Variants in ZNF605 observed in about 807,000 individuals in gnomAD.
The protein encoded by ZNF605 is zinc finger protein 605.
A neutral mutation model predicts 7.9 loss-of-function variants in ZNF605; 9 were observed. The ratio of observed to expected loss-of-function variants is 1.14; its 90% CI spans 0.68 to 1.98. The LOEUF (loss-of-function observed/expected upper bound fraction) is 1.98, where lower values mean the gene tolerates loss of function less well. Among genes scored for constraint, ZNF605 ranks in the 30% most tolerant of loss-of-function variants. ZNF605 has a pLI of 0.00. For missense variants in ZNF605, 673 were observed against 762.4 expected (o/e 0.88, Z 1.38); for synonymous variants, 255 against 260.1 (o/e 0.98, Z 0.19).
At position 132,918,605 on chromosome 12, in the gene ZNF605, TCTCA is replaced by T. The variant is rs779426247; in HGVS notation, c.*6764_*6767del. 3 of 152,222 alleles carry T rather than the reference TCTCA, an allele frequency of 2.0e-5. No homozygotes were observed. Among genetic ancestry groups the T allele is most frequent in the Admixed American group, 6.5e-5 (1 of 15,274 alleles). The allele number at this position is 152,222 out of a possible 1,614,324, so 9.4% of individuals were successfully genotyped here. A position where few individuals can be genotyped will look rare whatever the true frequency, so the allele number is the denominator to read the frequency against. On this transcript the variant is annotated 3_prime_UTR_variant, in exon 5 of 5. Coordinates refer to ENST00000360187, the MANE Select transcript of ZNF605 (RefSeq NM_183238.4). Reference sequence around the variant, plus strand: ...TGTTTTCTCTTTTTTTGAGACGGAGTCTCACTCTGTTGCTCAGGCTGGAGTGCAG... The same window carrying T: ...TGTTTTCTCTTTTTTTGAGACGGAGTCTCTGTTGCTCAGGCTGGAGTGCAG...
chr12:132,926,874 T>C lies in ZNF605; in HGVS notation c.425A>G (p.Tyr142Cys). The C allele has an allele frequency of 6.2e-7, 1 of 1,614,216 alleles. No homozygotes were observed. Among genetic ancestry groups the C allele is most frequent in the Non-Finnish European group, 8.5e-7 (1 of 1,180,042 alleles). The part of the protein sequence containing the change: ...KPGRTHGGIK[Y>C]CDCSTCRKSS... ...TTTTCTACATGTACTGCAATCACAG[T>C]ATTTTATCCCACCATGGGTTCTGCC... Residue 142 changes from tyrosine (Y) to cysteine (C), a missense_variant, in exon 5 of 5, where the codon TAC (tyrosine) becomes TGC (cysteine). Transcript: ENST00000360187.
At chr12:132,950,615 C>T (rs1278642485) in intron 1 of ZNF605, among the ~76,000 whole-genome samples, 3 of 148,256 alleles carry the variant, frequency 2.0e-5, no homozygotes, top group African/African-American at 7.3e-5. Flanking sequence ...CACACAAAGA[C>T]AGGCATACAC....
chr12:132,955,372 C>T (rs1593610314), intron 1 of ZNF605, among the ~76,000 whole-genome samples: 1 of 152,128 alleles, frequency 6.6e-6, no homozygotes, highest in East Asian at 1.9e-4. Context: ...TGGGCCAAAG[C>T]TCAAGAAAAT....
intron 1 of ZNF605, among the ~76,000 whole-genome samples, chr12:132,951,574 TAC>T (rs1491188954): frequency 2.7e-5 from 4 of 147,690 alleles, no homozygotes; most frequent in African/African-American, 5.1e-5. Flanking sequence ...ACGTATACCA[TAC>T]ACACAGACAT....
intron 1 of ZNF605, among the ~76,000 whole-genome samples, chr12:132,952,620 C>T (rs1465780697): frequency 6.6e-6 from 1 of 151,672 alleles, no homozygotes; most frequent in Non-Finnish European, 1.5e-5. Flanking sequence ...CTCCAGGCAC[C>T]TCAGATGCAA....
chr12:132,951,257 G>A lies in ZNF605; in HGVS notation c.-285-2987C>T, dbSNP rs765196151. Reference sequence around the variant, plus strand: ...TACACTCAGACACGTACATACAGACGCACATGTACATCACACACAGATACA... The same window carrying A: ...TACACTCAGACACGTACATACAGACACACATGTACATCACACACAGATACA... On this transcript the variant is annotated intron_variant, in intron 1 of 4. Coordinates refer to ENST00000360187, the MANE Select transcript of ZNF605 (RefSeq NM_183238.4). Among the ~76,000 whole-genome samples, 95 of 147,542 alleles carry A rather than the reference G, an allele frequency of 6.4e-4. 1 individual carries two copies. The highest frequency in any genetic ancestry group is 1.2e-3 in the Non-Finnish European group (80 of 67,022).
chr12:132,940,696 CTGGCAGGTAAAACAAGGTTCCTGG>C (rs1399007164), intron 3 of ZNF605, among the ~76,000 whole-genome samples: 30 of 152,270 alleles, frequency 2.0e-4, no homozygotes, highest in Middle Eastern at 3.4e-3. Context: ...CAGCCTCAGA[CTGGCAGGTAAAACAAGGTTCCTGG>C]TGGAGACAGG....
chr12:132,930,415 C>A (rs1248084107), intron 4 of ZNF605, among the ~76,000 whole-genome samples: 3 of 152,138 alleles, frequency 2.0e-5, no homozygotes, highest in African/African-American at 7.2e-5. Flanking sequence ...ATAGGTAATC[C>A]TCTTACTCGT....
intron 1 of ZNF605, among the ~76,000 whole-genome samples, chr12:132,952,440 G>A (rs1175624083): frequency 7.2e-6 from 1 of 138,846 alleles, no homozygotes; most frequent in African/African-American, 2.8e-5. Flanking sequence ...AAGCATGGGC[G>A]ACTCTGTCTC....
At position 132,926,206 on chromosome 12, in the gene ZNF605, A is replaced by C. The variant is rs1952245460; in HGVS notation, c.1093T>G (p.Tyr365Asp). 6.2e-7 allele frequency: 1 copy of C among 1,614,062 alleles called. No homozygotes were observed. Among genetic ancestry groups the C allele is most frequent in the African/African-American group, 1.3e-5 (1 of 74,918 alleles). ...HQRIHTGEKP[Y>D]ECNECGEAFI... ...GCTTCACCACATTCGTTGCATTCGT[A>C]GGGCTTCTCTCCTGTATGAATCCTC... The change falls in exon 5 of 5, where the codon TAC (tyrosine) becomes GAC (aspartate). Residue 365 changes from tyrosine to aspartate, a missense_variant. Physicochemically the swap from Tyr to Asp is radical, Grantham distance 160 (BLOSUM62 -3). Coordinates refer to ENST00000360187, the MANE Select transcript of ZNF605 (RefSeq NM_183238.4).
intron 2 of ZNF605, among the ~76,000 whole-genome samples, chr12:132,946,487 T>C (rs1952495376): frequency 2.6e-5 from 4 of 152,246 alleles, no homozygotes; most frequent in African/African-American, 9.6e-5. Flanking sequence ...GAATGTCTTA[T>C]GTTGCCTCTT....
chr12:132,945,806 G>A lies in ZNF605; in HGVS notation c.-162-9C>T. ...TTCCAGAGGGCTATTGCCTGTGGAT[G>A]CAGTGGACATTTTATTTTAGATGAT... On this transcript the variant is annotated splice_polypyrimidine_tract_variant and intron_variant, in intron 2 of 4. Coordinates refer to ENST00000360187, the MANE Select transcript of ZNF605 (RefSeq NM_183238.4). 4 of 875,476 alleles carry A rather than the reference G, an allele frequency of 4.6e-6. No homozygotes were observed. The highest frequency in any genetic ancestry group is 3.4e-5 in the African/African-American group (2 of 59,370). The allele number at this position is 875,476 out of a possible 1,614,324, so 54.2% of individuals were successfully genotyped here.
At chr12:132,949,346 T>G (rs891024206) in intron 1 of ZNF605, among the ~76,000 whole-genome samples, 8 of 152,344 alleles carry the variant, frequency 5.3e-5, no homozygotes, top group Admixed American at 5.2e-4. Context: ...ATGGGCGCAC[T>G]GCCTCCCTTT....
chr12:132,951,094 G>A (rs1014051817), intron 1 of ZNF605, among the ~76,000 whole-genome samples: 45 of 147,048 alleles, frequency 3.1e-4, no homozygotes, highest in East Asian at 1.4e-3. Flanking sequence ...CGTACATCAC[G>A]CATACTCACA....
intron 4 of ZNF605, among the ~76,000 whole-genome samples, chr12:132,927,397 C>T (rs770988): frequency 0.47 from 71,686 of 152,020 alleles, 17,867 homozygotes; most frequent in Middle Eastern, 0.57. Context: ...GATGGAGTCT[C>T]GTGCTGTCAC....
chr12:132,955,538 G>C (rs1055625244), intron 1 of ZNF605, among the ~76,000 whole-genome samples: 3 of 152,144 alleles, frequency 2.0e-5, no homozygotes, highest in Non-Finnish European at 4.4e-5. Flanking sequence ...AGTCATATAG[G>C]GAACGGGAGA....
Position 132,943,524 on chromosome 12 carries a change from G to A in ZNF605, c.15+2097C>T, listed in dbSNP as rs11832019. Among the ~76,000 whole-genome samples, 506 of 152,178 alleles carry A rather than the reference G, an allele frequency of 3.3e-3. 2 individuals are homozygous for A. Among genetic ancestry groups the A allele is most frequent in the Middle Eastern group, 0.017 (5 of 294 alleles). On this transcript the variant is annotated intron_variant, in intron 3 of 4. Coordinates refer to ENST00000360187, the MANE Select transcript of ZNF605 (RefSeq NM_183238.4). ...GAGGGGAGCTGCAGTCAGGGGTCGT[G>A]ATCTCACACATTTGCCCTTCTTACC...
In ZNF605 at chr12:132,924,630, G is replaced by C. The variant is rs576960172; in HGVS notation, c.*743C>G. The stretch of plus-strand genomic sequence containing the variant: ...AACTGCAACCTAGGAACTGCCATGC[G>C]GGGGCAGGCTGAGAAACCATGGTGC... On this transcript the variant is annotated 3_prime_UTR_variant, in exon 5 of 5. Transcript: ENST00000360187. 1 of 152,224 alleles carries C rather than the reference G, an allele frequency of 6.6e-6. No homozygotes were observed. The highest frequency in any genetic ancestry group is 1.5e-5 in the Non-Finnish European group (1 of 68,092). The allele number at this position is 152,224 out of a possible 1,614,324, so 9.4% of individuals were successfully genotyped here. A position where few individuals can be genotyped will look rare whatever the true frequency, so the allele number is the denominator to read the frequency against.
rs368727908 is a variant in ZNF605, at chr12:132,952,242, T to C, written c.-285-3972A>G. On this transcript the variant is annotated intron_variant, in intron 1 of 4. Transcript: ENST00000360187. ...GAGGCTGAGGCGGTAGGCAGATCAC[T>C]TGAGGTCAGGAGTTCGAGACCAGCC... Among the ~76,000 whole-genome samples, 9 of 151,864 alleles carry C rather than the reference T, an allele frequency of 5.9e-5. No individual in the cohort carries two copies. The East Asian group carries it at 1.6e-3, about 26-fold the overall frequency.
Sources: allele counts gnomAD v4.1 joint callset (sites outside exome capture counted in the v4.1 genomes callset), GRCh38; gene constraint gnomAD v4.1.1; transcripts MANE v1.5; gene names NCBI Gene and HGNC (gene_info 2026-07-23, HGNC 2026-07-21).